Variants in MRPL13 observed in about 807,000 individuals in gnomAD.
MRPL13 encodes mitochondrial ribosomal protein L13.
In MRPL13, 33 loss-of-function variants were observed where a neutral mutation model predicts 29.0. The observed-to-expected ratio is 1.14, with a 90% CI of 0.86 to 1.52. The LOEUF is 1.52. MRPL13 is among the 40% of genes most tolerant of loss of function. The pLI, the probability that MRPL13 is intolerant of heterozygous loss-of-function variation, is 0.00. For missense variants in MRPL13, 227 were observed against 216.7 expected (o/e 1.05, Z -0.30); for synonymous variants, 77 against 68.4 (o/e 1.13, Z -0.62).
At chr8:120,403,354 C>G (rs1812624461) in intron 6 of MRPL13, among the ~76,000 whole-genome samples, 1 of 152,178 alleles carries the variant, frequency 6.6e-6, no homozygotes, top group African/African-American at 2.4e-5. Context: ...ATGGATGGAG[C>G]TGGAAGCCAT....
chr8:120,429,346 G>A (rs1812971099), intron 3 of MRPL13, among the ~76,000 whole-genome samples: 1 of 151,992 alleles, frequency 6.6e-6, no homozygotes, highest in African/African-American at 2.4e-5. Context: ...GAGGCCTATT[G>A]GAGGGTGGAG....
chr8:120,426,921 T>C (rs1156821949), intron 3 of MRPL13, among the ~76,000 whole-genome samples: 2 of 152,126 alleles, frequency 1.3e-5, no homozygotes, highest in Admixed American at 1.3e-4. Context: ...CTCATGCCAA[T>C]GTATTTTAGA....
At chr8:120,443,448 C>T in intron 1 of MRPL13, 140 bp from the exon 2 acceptor site, 1 of 913,740 alleles carries the variant, frequency 1.1e-6, no homozygotes, top group Non-Finnish European at 1.5e-6. Context: ...AAAAATAACT[C>T]TATTGCTAAA....
chr8:120,398,691 A>C (rs1812550647), intron 6 of MRPL13, among the ~76,000 whole-genome samples: 1 of 152,170 alleles, frequency 6.6e-6, no homozygotes, highest in African/African-American at 2.4e-5. Context: ...GAAGGTGAGT[A>C]ATAATGAACT....
intron 3 of MRPL13, among the ~76,000 whole-genome samples, chr8:120,428,289 A>C (rs1269954106): frequency 6.6e-6 from 1 of 152,210 alleles, no homozygotes; most frequent in Non-Finnish European, 1.5e-5. Flanking sequence ...CTGGCTAGCC[A>C]TATGCAGAAG....
intron 6 of MRPL13, among the ~76,000 whole-genome samples, chr8:120,409,038 C>T (rs887402082): frequency 1.3e-5 from 2 of 152,148 alleles, no homozygotes; most frequent in Non-Finnish European, 2.9e-5. Context: ...CCTCATACTT[C>T]CTTGTCTTCA....
chr8:120,435,338 T>C (rs1411459917), intron 2 of MRPL13, among the ~76,000 whole-genome samples: 2 of 152,070 alleles, frequency 1.3e-5, no homozygotes, highest in Admixed American at 1.3e-4. Context: ...TAGTACACAA[T>C]AGGTAGTTTT....
At chr8:120,419,453 AAAGTT>A (rs1245177364) in intron 5 of MRPL13, among the ~76,000 whole-genome samples, 2 of 151,940 alleles carry the variant, frequency 1.3e-5, no homozygotes, top group Non-Finnish European at 2.9e-5. Context: ...AATAGCAACC[AAAGTT>A]AAGCTATTTA....
At chr8:120,436,545 A>G (rs1813057204) in intron 2 of MRPL13, among the ~76,000 whole-genome samples, 1 of 151,922 alleles carries the variant, frequency 6.6e-6, no homozygotes, top group Non-Finnish European at 1.5e-5. Flanking sequence ...TATAGTTTAG[A>G]TATGTCTTTT....
At chr8:120,413,654 C>A (rs1812767422) in intron 6 of MRPL13, among the ~76,000 whole-genome samples, 1 of 152,076 alleles carries the variant, frequency 6.6e-6, no homozygotes, top group Non-Finnish European at 1.5e-5. Context: ...ATATTTTTAA[C>A]TTATGAAACA....
chr8:120,423,009 AATT>A (rs780867478), intron 4 of MRPL13, among the ~76,000 whole-genome samples: 1 of 152,092 alleles, frequency 6.6e-6, no homozygotes, highest in East Asian at 1.9e-4. Context: ...AAACTCTAAG[AATT>A]ATGTTTAGTA....
At chr8:120,422,577 C>CAT (rs933070582) in intron 4 of MRPL13, among the ~76,000 whole-genome samples, 3 of 147,334 alleles carry the variant, frequency 2.0e-5, no homozygotes, top group African/African-American at 7.4e-5. Context: ...TATATATAAA[C>CAT]ATATATATAA....
Position 120,398,216 on chromosome 8 carries a change from G to A in MRPL13, c.516-2091C>T, listed in dbSNP as rs1346374144. Among the ~76,000 whole-genome samples, 3 of 152,178 alleles carry A rather than the reference G, an allele frequency of 2.0e-5. No individual in the cohort carries two copies. The East Asian group carries it at 5.8e-4, about 29-fold the overall frequency. ...TGAGACCTCCCAACAGGGGTCTCTA[G>A]ACAACTCCTACAGGAGTGTCTGGGC... is the stretch of plus-strand genomic sequence containing the variant. On this transcript the variant is annotated intron_variant, in intron 6 of 6. Transcript: ENST00000306185.
intron 6 of MRPL13, among the ~76,000 whole-genome samples, chr8:120,407,049 CA>C (rs912939052): frequency 6.6e-6 from 1 of 152,202 alleles, no homozygotes; most frequent in Non-Finnish European, 1.5e-5. Flanking sequence ...TTTCCTATAG[CA>C]AATTCTTTAC....
chr8:120,400,784 G>C (rs181604576), intron 6 of MRPL13, among the ~76,000 whole-genome samples: 2 of 151,608 alleles, frequency 1.3e-5, no homozygotes, highest in East Asian at 1.9e-4. Context: ...GGAGAAGAGA[G>C]AGGAGAATCA....
At chr8:120,427,719 T>C (rs1016699675) in intron 3 of MRPL13, among the ~76,000 whole-genome samples, 5 of 152,104 alleles carry the variant, frequency 3.3e-5, no homozygotes, top group African/African-American at 1.2e-4. Context: ...ATCCCAGTAC[T>C]GTGGAAGGCT....
chr8:120,438,701 AC>A, intron 2 of MRPL13, among the ~76,000 whole-genome samples: 1 of 152,354 alleles, frequency 6.6e-6, no homozygotes, highest in South Asian at 2.1e-4. Flanking sequence ...GTTAAGAATC[AC>A]CAGACTGAAG....
chr8:120,420,404 G>C (rs937007262), intron 4 of MRPL13, among the ~76,000 whole-genome samples: 8 of 148,954 alleles, frequency 5.4e-5, no homozygotes, highest in African/African-American at 2.0e-4. Flanking sequence ...TTTTCTATTA[G>C]TGTTAAGACT....
At chr8:120,397,413 A>T (rs576134308) in intron 6 of MRPL13, among the ~76,000 whole-genome samples, 4 of 152,286 alleles carry the variant, frequency 2.6e-5, no homozygotes, top group African/African-American at 9.6e-5. Flanking sequence ...GTTAAGCCTC[A>T]CTGGATTGGA....
Sources: allele counts gnomAD v4.1 joint callset (sites outside exome capture counted in the v4.1 genomes callset), GRCh38; gene constraint gnomAD v4.1.1; transcripts MANE v1.5; gene names NCBI Gene and HGNC (gene_info 2026-07-23, HGNC 2026-07-21).